The following GLUD1 variants were observed in gnomAD, a reference collection of about 807,000 sequenced individuals.
GLUD1 encodes the protein glutamate dehydrogenase 1, mitochondrial.
In GLUD1, 22 loss-of-function variants were observed where a neutral mutation model predicts 56.0. The ratio of observed to expected loss-of-function variants is 0.39; its 90% CI spans 0.28 to 0.56. The LOEUF is 0.56. Ranked by LOEUF, GLUD1 falls within the 20% of genes least tolerant of loss-of-function variation. The probability of loss-of-function intolerance (pLI) is 0.58; values close to 1 mark genes in which losing one functional copy is unlikely to be tolerated. For missense variants in GLUD1, 451 were observed against 732.0 expected (o/e 0.62, Z 4.43); for synonymous variants, 223 against 269.9 (o/e 0.83, Z 1.70).
At chr10:87,093,158 G>T (rs557766272) in intron 1 of GLUD1, among the ~76,000 whole-genome samples, 1 of 152,116 alleles carries the variant, frequency 6.6e-6, no homozygotes, top group Non-Finnish European at 1.5e-5. Context: ...AGTTTTTTCC[G>T]GTACAGAGAG....
Position 87,094,744 on chromosome 10 carries a change from A to AGC in GLUD1, c.24_25dup (p.Leu9ArgfsTer82), listed in dbSNP as rs1564569939. 1 of 1,532,490 alleles carries AGC rather than the reference A, an allele frequency of 6.5e-7. No individual in the cohort carries two copies. Among genetic ancestry groups the AGC allele is most frequent in the Non-Finnish European group, 8.8e-7 (1 of 1,138,140 alleles). The allele number at this position is 1,532,490 out of a possible 1,614,324, so 94.9% of individuals were successfully genotyped here. ...AGCGGGCCCGGCCCGGGACAGCAAC[A>AGC]GCGCTTCGCCCAGGTAGCGGTACAT... On this transcript the variant is annotated frameshift_variant, in exon 1 of 13. Coordinates refer to ENST00000277865, the MANE Select transcript of GLUD1 (RefSeq NM_005271.5). LOFTEE classifies it high-confidence loss of function. This position sits in a 1 kb window ranked among gnomAD's most constrained non-coding sequence, Gnocchi z 6.6.
intron 10 of GLUD1, 39 bp from the exon 11 acceptor site, chr10:87,057,821 G>GAAAAAAAAAAAAAAA: frequency 1.4e-6 from 1 of 722,496 alleles, no homozygotes; most frequent in Non-Finnish European, 2.4e-6. Flanking sequence ...ATTGCTAACA[G>GAAAAAAAAAAAAAAA]AAAAAAAAAA....
At position 87,060,653 on chromosome 10, in the gene GLUD1, G is replaced by C; in HGVS notation, c.1197+35C>G. On this transcript the variant is annotated intron_variant, in intron 8 of 12. Coordinates refer to ENST00000277865, the MANE Select transcript of GLUD1 (RefSeq NM_005271.5). ...TGACCCCCCTAACGTCATTCACATT[G>C]ATAATGTTGGTTCTGGTTTCTATAA... 1.9e-6 allele frequency: 3 copies of C among 1,613,512 alleles called. No individual in the cohort carries two copies. In the South Asian group the frequency reaches 3.3e-5, roughly 18 times the overall value.
intron 5 of GLUD1, among the ~76,000 whole-genome samples, chr10:87,066,137 C>T (rs1260898869): frequency 6.6e-6 from 1 of 152,108 alleles, no homozygotes; most frequent in Non-Finnish European, 1.5e-5. Context: ...AATAAACATG[C>T]CAAAAGACAA....
intron 1 of GLUD1, among the ~76,000 whole-genome samples, chr10:87,084,723 AG>A (rs1355609809): frequency 6.6e-6 from 1 of 152,224 alleles, no homozygotes; most frequent in Admixed American, 6.5e-5. Flanking sequence ...CTCACTTTTC[AG>A]GAACTATTTA....
In GLUD1 at chr10:87,051,778, G is replaced by A. The variant is rs1423714948; in HGVS notation, c.1650C>T (p.Tyr550=). 6.2e-7 allele frequency: 1 copy of A among 1,612,940 alleles called. No individual in the cohort carries two copies. Among genetic ancestry groups the A allele is most frequent in the Admixed American group, 1.7e-5 (1 of 60,036 alleles). The change falls in exon 13 of 13, where the codon TAC becomes TAT. Residue 550 remains tyrosine (Y), a synonymous_variant. Coordinates refer to ENST00000277865, the MANE Select transcript of GLUD1 (RefSeq NM_005271.5). ...VNAIEKVFKV[Y]NEAGVTFT is the part of the protein sequence containing the mutation. ...ATGTGAAGGTCACACCAGCTTCATTGTACACTTTGAAGACTTTCTCAATGG... is the reference window on the plus strand; with the variant it reads ...ATGTGAAGGTCACACCAGCTTCATTATACACTTTGAAGACTTTCTCAATGG...
chr10:87,093,657 G>A (rs960889607), intron 1 of GLUD1, among the ~76,000 whole-genome samples: 5 of 152,158 alleles, frequency 3.3e-5, no homozygotes, highest in Admixed American at 1.3e-4. Context: ...CTGTCAGGAC[G>A]CCAGGTGTTT....
Position 87,094,592 on chromosome 10 carries a change from G to A in GLUD1, c.178C>T (p.Arg60Cys), listed in dbSNP as rs753567322. The change falls in exon 1 of 13, where the codon CGC (arginine) becomes TGC (cysteine). Residue 60 changes from arginine (R) to cysteine (C), a missense_variant. Coordinates refer to ENST00000277865, the MANE Select transcript of GLUD1 (RefSeq NM_005271.5). The surrounding 1 kb of genome is among the most constrained non-coding windows in gnomAD (Gnocchi z 6.6). ...TTGAAGAAGTTGGGGTCGTCCTCGC[G>A]GTCGGCCACCGCCTCGCTGTAGTGG... is the stretch of plus-strand genomic sequence containing the variant. ...RRHYSEAVAD[R>C]EDDPNFFKMV... 3 of 1,611,122 alleles carry A rather than the reference G, an allele frequency of 1.9e-6. No homozygotes were observed. The highest frequency in any genetic ancestry group is 1.3e-5 in the African/African-American group (1 of 74,846).
chr10:87,072,589 A>G (rs1846268780), intron 4 of GLUD1, among the ~76,000 whole-genome samples: 1 of 152,236 alleles, frequency 6.6e-6, no homozygotes, highest in Non-Finnish European at 1.5e-5. Flanking sequence ...TCCTGGGTCA[A>G]TGAGGCTTTT....
chr10:87,088,723 A>T (rs985253320), intron 1 of GLUD1, among the ~76,000 whole-genome samples: 24 of 152,262 alleles, frequency 1.6e-4, no homozygotes, highest in African/African-American at 5.1e-4. Context: ...AATCAGAAGA[A>T]TTACGTCTGA....
At chr10:87,054,726 C>G (rs1377494565) in intron 11 of GLUD1, among the ~76,000 whole-genome samples, 1 of 152,106 alleles carries the variant, frequency 6.6e-6, no homozygotes, top group African/African-American at 2.4e-5. Context: ...AAGATTTATA[C>G]ATTTTTTAAA....
At chr10:87,059,445 C>T (rs1157957542) in intron 9 of GLUD1, among the ~76,000 whole-genome samples, 172 bp from the exon 10 acceptor site, 1 of 151,302 alleles carries the variant, frequency 6.6e-6, no homozygotes, top group African/African-American at 2.4e-5. Context: ...TCCCATCCCA[C>T]CCAATTCCAT....
At chr10:87,074,509 G>T in intron 4 of GLUD1, 42 bp downstream of exon 4, 1 of 1,127,014 alleles carries the variant, frequency 8.9e-7, no homozygotes, top group Non-Finnish European at 1.4e-6. Context: ...AAAATTTTTA[G>T]ATGTTCCCAC....
intron 11 of GLUD1, among the ~76,000 whole-genome samples, chr10:87,054,702 G>C (rs1845719665): frequency 1.3e-5 from 2 of 152,200 alleles, no homozygotes. Flanking sequence ...AATACTGGAA[G>C]GGGAAGTGGG....
At chr10:87,055,284 A>C (rs188182411) in intron 11 of GLUD1, among the ~76,000 whole-genome samples, 27 of 152,226 alleles carry the variant, frequency 1.8e-4, no homozygotes, top group Middle Eastern at 3.4e-3. Context: ...ATGATGGAGC[A>C]CGGAATTTAA....
At chr10:87,053,517 C>G (rs1467547455) in intron 11 of GLUD1, 113 bp from the exon 12 acceptor site, 1 of 744,056 alleles carries the variant, frequency 1.3e-6, no homozygotes, top group Non-Finnish European at 2.4e-6. Context: ...AATTTTTTGT[C>G]TTTTAGCTAA....
rs1463825823 is a variant in GLUD1 at position 87,050,888 on chromosome 10, A to T, written c.*863T>A. The T allele has an allele frequency of 6.6e-6, 1 of 152,260 alleles. No homozygotes were observed. The highest frequency in any genetic ancestry group is 1.9e-4 in the East Asian group (1 of 5,204). 9.4% of individuals were successfully genotyped at this position (152,260 alleles called of 1,614,324 possible). On this transcript the variant is annotated 3_prime_UTR_variant, in exon 13 of 13. Coordinates refer to ENST00000277865, the MANE Select transcript of GLUD1 (RefSeq NM_005271.5). ...TAATTAGTCAACCATAGATCTTCAA[A>T]AGAGAACAATTAGTTAACATGATAA...
Position 87,051,499 on chromosome 10 carries a change from TTTA to T in GLUD1, c.*249_*251del. 1 of 541,010 alleles carries T rather than the reference TTTA, an allele frequency of 1.8e-6. No individual in the cohort carries two copies. Among genetic ancestry groups the T allele is most frequent in the Non-Finnish European group, 3.4e-6 (1 of 291,166 alleles). 33.5% of individuals were successfully genotyped at this position (541,010 alleles called of 1,614,324 possible). A position where few individuals can be genotyped will look rare whatever the true frequency, so the allele number is the denominator to read the frequency against. ...CTGCACAGCCAGATAAAGGAGGCTT[TTTA>T]TTTAAAGGCAAAATACCAAAATGGC... On this transcript the variant is annotated 3_prime_UTR_variant, in exon 13 of 13. Coordinates refer to ENST00000277865, the MANE Select transcript of GLUD1 (RefSeq NM_005271.5).
chr10:87,084,709 C>T (rs568740373), intron 1 of GLUD1, among the ~76,000 whole-genome samples: 2 of 152,286 alleles, frequency 1.3e-5, no homozygotes, highest in Admixed American at 1.3e-4. Flanking sequence ...TCCAGCTGCA[C>T]TCTCTCACTT....
Sources: allele counts gnomAD v4.1 joint callset (sites outside exome capture counted in the v4.1 genomes callset), GRCh38; gene constraint gnomAD v4.1.1; non-coding constraint Gnocchi (gnomAD v3.1); transcripts MANE v1.5; gene names NCBI Gene and HGNC (gene_info 2026-07-23, HGNC 2026-07-21).